RGS6: variants seen among roughly 807,000 people sequenced by gnomAD.
RGS6 encodes regulator of G protein signaling 6.
Under a neutral mutation model 78.5 loss-of-function variants are expected in RGS6, and 30 were observed. That is an observed-to-expected ratio of 0.38 (90% CI 0.29 to 0.52). The LOEUF (loss-of-function observed/expected upper bound fraction) is 0.52, where lower values mean the gene tolerates loss of function less well. Among genes scored for constraint, RGS6 ranks in the 20% least tolerant of loss-of-function variants. RGS6 has a pLI of 0.85. For missense variants in RGS6, 495 were observed against 609.7 expected (o/e 0.81, Z 1.98); for synonymous variants, 206 against 206.0 (o/e 1.00, Z 0.00).
In RGS6 at chr14:72,269,320, A is replaced by C. The variant is rs117568376; in HGVS notation, c.85-82775A>C. 1.3e-3 allele frequency among the ~76,000 whole-genome samples: 197 copies of C among 152,304 alleles called. 2 individuals carry two copies. In the East Asian group the frequency reaches 0.036, roughly 28 times the overall value. ...TCTTTGGGCAATCCCATTGCATTCC[A>C]GATAAAAGCGGAAGTCCTTAGAGTA... On this transcript the variant is annotated intron_variant, in intron 2 of 17. Transcript: ENST00000553525.
chr14:72,148,304 G>A lies in RGS6; in HGVS notation c.84+183429G>A, dbSNP rs955585205. ...CTCAGCTACTCAGGAGGCTGAGGGT[G>A]GGAAGATCACTTGTGTCCATGAGTT... On this transcript the variant is annotated intron_variant, in intron 2 of 17. Transcript: ENST00000553525. Among the ~76,000 whole-genome samples, 4 of 151,698 alleles carry A rather than the reference G, an allele frequency of 2.6e-5. No homozygotes were observed. The South Asian group carries it at 6.3e-4, about 24-fold the overall frequency.
rs113324902 is a variant in RGS6, at chr14:72,231,178, C to T, written c.85-120917C>T. 7.2e-3 allele frequency among the ~76,000 whole-genome samples: 1,095 copies of T among 152,182 alleles called. 9 individuals are homozygous for T. Among genetic ancestry groups the T allele is most frequent in the African/African-American group, 0.025 (1,040 of 41,516 alleles). ...TTGTGGCTGGACTGAGAAGTTAGTT[C>T]CCCAAGCGTAAAGTGACAAGAGCAT... On this transcript the variant is annotated intron_variant, in intron 2 of 17. Coordinates refer to ENST00000553525, the MANE Select transcript of RGS6 (RefSeq NM_001204424.2).
the RGS6 span, among the ~76,000 whole-genome samples, chr14:72,614,437 G>C: frequency 6.6e-6 from 1 of 152,180 alleles, no homozygotes; most frequent in African/African-American, 2.4e-5. Flanking sequence ...CTTTGCAGAG[G>C]GGAGAGGAGC....
the RGS6 span, among the ~76,000 whole-genome samples, chr14:71,907,131 A>C: frequency 6.6e-6 from 1 of 152,232 alleles, no homozygotes; most frequent in Admixed American, 6.5e-5. Context: ...TACAATGATG[A>C]TGAAGCAGAT....
the RGS6 span, among the ~76,000 whole-genome samples, chr14:72,581,370 C>T: frequency 6.6e-6 from 1 of 152,044 alleles, no homozygotes; most frequent in South Asian, 2.1e-4. Context: ...TCTTTCAGGC[C>T]AACTACATTC....
intron 2 of RGS6, among the ~76,000 whole-genome samples, chr14:72,135,366 T>C (rs2096415794): frequency 6.6e-6 from 1 of 152,096 alleles, no homozygotes. Flanking sequence ...CTGGCTGCCA[T>C]TGTGGGGCTC....
chr14:72,607,408 G>A, the RGS6 span, among the ~76,000 whole-genome samples: 1 of 152,178 alleles, frequency 6.6e-6, no homozygotes, highest in South Asian at 2.1e-4. Context: ...GGGGCAAGGG[G>A]TCTGTCTTGG....
At chr14:72,414,143 G>T (rs1408952631) in intron 3 of RGS6, among the ~76,000 whole-genome samples, 2 of 151,940 alleles carry the variant, frequency 1.3e-5, no homozygotes, top group Non-Finnish European at 2.9e-5. Context: ...AAGTTCTCCT[G>T]GATAATATCC....
intron 17 of RGS6, among the ~76,000 whole-genome samples, chr14:72,545,888 C>A (rs1472535683): frequency 6.7e-6 from 1 of 149,742 alleles, no homozygotes; most frequent in East Asian, 1.9e-4. Context: ...CAGTCCCCAC[C>A]CTTCCGGTCT....
At chr14:72,122,407 G>A (rs1177994150) in intron 2 of RGS6, among the ~76,000 whole-genome samples, 1 of 152,086 alleles carries the variant, frequency 6.6e-6, no homozygotes, top group African/African-American at 2.4e-5. Flanking sequence ...GGGGTTTGTG[G>A]GGGTAGAAAA....
intron 2 of RGS6, among the ~76,000 whole-genome samples, chr14:72,217,012 A>T (rs2045742754): frequency 6.6e-6 from 1 of 152,186 alleles, no homozygotes; most frequent in Non-Finnish European, 1.5e-5. Flanking sequence ...TGTGTGTTTC[A>T]TTTTATAGTG....
intron 2 of RGS6, among the ~76,000 whole-genome samples, chr14:72,346,297 GA>G (rs200986966): frequency 0.011 from 1,730 of 152,106 alleles, 10 homozygotes; most frequent in Middle Eastern, 0.031. Flanking sequence ...TGAATTTATA[GA>G]AAAAAAATTA....
chr14:72,324,955 A>T (rs908073093), intron 2 of RGS6, among the ~76,000 whole-genome samples: 1 of 152,216 alleles, frequency 6.6e-6, no homozygotes, highest in African/African-American at 2.4e-5. Flanking sequence ...TGGCTGAACT[A>T]GTTTACAGCC....
At chr14:71,870,988 G>T in the RGS6 span, among the ~76,000 whole-genome samples, 1 of 152,212 alleles carries the variant, frequency 6.6e-6, no homozygotes, top group Non-Finnish European at 1.5e-5. Flanking sequence ...ACATTAGTGA[G>T]GTGGGAACAT....
At chr14:71,974,196 G>GA (rs1229944060) in intron 2 of RGS6, among the ~76,000 whole-genome samples, 8 of 148,170 alleles carry the variant, frequency 5.4e-5, no homozygotes, top group South Asian at 2.1e-4. Context: ...GGATTTTGGA[G>GA]AAAAAAAAAT....
chr14:72,053,018 T>C (rs1377896672), intron 2 of RGS6, among the ~76,000 whole-genome samples: 5 of 80,226 alleles, frequency 6.2e-5, no homozygotes, highest in Admixed American at 1.2e-4. Context: ...TCTTTCCTTC[T>C]TTCTTTCTTT....
At chr14:71,888,311 C>T in the RGS6 span, among the ~76,000 whole-genome samples, 1 of 151,606 alleles carries the variant, frequency 6.6e-6, no homozygotes, top group Admixed American at 6.6e-5. Context: ...ACCTGTAATC[C>T]CAGCTACAAG....
chr14:72,449,373 C>T (rs926639663), intron 3 of RGS6, among the ~76,000 whole-genome samples: 3 of 152,172 alleles, frequency 2.0e-5, no homozygotes, highest in Non-Finnish European at 4.4e-5. Context: ...ATCAACTTTG[C>T]ATAATCTGAT....
chr14:72,165,889 A>G (rs542964961), intron 2 of RGS6, among the ~76,000 whole-genome samples: 58 of 152,344 alleles, frequency 3.8e-4, no homozygotes, highest in African/African-American at 1.3e-3. Flanking sequence ...TGTGTTAAAT[A>G]TAACAATGCA....
Sources: gnomAD v4.1 joint callset for allele counts (sites outside exome capture counted in the v4.1 genomes callset) on GRCh38, gnomAD v4.1.1 for gene constraint, MANE v1.5 for transcripts, NCBI Gene and HGNC (gene_info 2026-07-23, HGNC 2026-07-21) for gene names.